Variants in MTUS1 observed in about 807,000 individuals in gnomAD.
The protein encoded by MTUS1 is microtubule-associated tumor suppressor 1.
In MTUS1, 109 loss-of-function variants were observed where a neutral mutation model predicts 120.8. The ratio of observed to expected loss-of-function variants is 0.90; its 90% CI spans 0.77 to 1.06. The LOEUF is 1.06. MTUS1 is among the 50% of genes least tolerant of loss of function. The pLI, the probability that MTUS1 is intolerant of heterozygous loss-of-function variation, is 0.00. For synonymous variants in MTUS1, 737 were observed against 550.5 expected (o/e 1.34, Z -4.74); for missense variants, 2,210 against 1,486.3 (o/e 1.49, Z -8.01).
At chr8:17,664,492 A>G (rs1381291159) in intron 8 of MTUS1, among the ~76,000 whole-genome samples, 2 of 143,146 alleles carry the variant, frequency 1.4e-5, no homozygotes, top group African/African-American at 2.6e-5. Flanking sequence ...ACCATCTAGG[A>G]TGGAGAAGAG....
chr8:17,764,718 G>C (rs561199964), intron 1 of MTUS1, among the ~76,000 whole-genome samples: 10 of 152,306 alleles, frequency 6.6e-5, no homozygotes, highest in African/African-American at 2.2e-4. Context: ...ATGAACAAGC[G>C]CAACTGCATC....
At chr8:17,663,630 C>T (rs956189883) in intron 8 of MTUS1, among the ~76,000 whole-genome samples, 1 of 150,258 alleles carries the variant, frequency 6.7e-6, no homozygotes, top group Non-Finnish European at 1.5e-5. Flanking sequence ...GAGGCTTCCT[C>T]TATCACCCAG....
At chr8:17,665,190 G>C (rs1442825546) in intron 8 of MTUS1, among the ~76,000 whole-genome samples, 1 of 152,160 alleles carries the variant, frequency 6.6e-6, no homozygotes, top group Non-Finnish European at 1.5e-5. Context: ...GGTAGACCAG[G>C]TTCTTTTTCT....
intron 1 of MTUS1, among the ~76,000 whole-genome samples, chr8:17,791,946 A>AC (rs1156937369): frequency 6.6e-6 from 1 of 152,228 alleles, no homozygotes; most frequent in African/African-American, 2.4e-5. Context: ...ACAAGGTACT[A>AC]CCCCCACCTT....
chr8:17,743,924 G>T, intron 2 of MTUS1, 125 bp from the exon 3 acceptor site: 1 of 741,450 alleles, frequency 1.3e-6, no homozygotes, highest in Non-Finnish European at 2.2e-6. Context: ...TTCAGGCCAT[G>T]ATGGCAAAGA....
intron 13 of MTUS1, among the ~76,000 whole-genome samples, chr8:17,649,405 T>C (rs1488131201): frequency 1.3e-5 from 2 of 152,236 alleles, no homozygotes; most frequent in African/African-American, 4.8e-5. Context: ...AGATGAAGAA[T>C]TTTGATAAAT....
chr8:17,752,091 G>C (rs1199612537), intron 2 of MTUS1, among the ~76,000 whole-genome samples: 1 of 151,900 alleles, frequency 6.6e-6, no homozygotes, highest in East Asian at 1.9e-4. Flanking sequence ...TACCACATCG[G>C]GAGCCTGAAA....
At chr8:17,753,657 A>G (rs985919508) in intron 2 of MTUS1, 60 bp downstream of exon 2, 3 of 1,145,284 alleles carry the variant, frequency 2.6e-6, no homozygotes, top group African/African-American at 1.6e-5. Context: ...AAATGCTAAC[A>G]CATCTCAGTT....
At chr8:17,699,808 C>G (rs960700476) in intron 6 of MTUS1, among the ~76,000 whole-genome samples, 11 of 152,314 alleles carry the variant, frequency 7.2e-5, no homozygotes, top group African/African-American at 2.6e-4. Context: ...ATGGCCATCG[C>G]TTACAATCTA....
intron 1 of MTUS1, among the ~76,000 whole-genome samples, chr8:17,756,174 T>A (rs1412082506): frequency 2.0e-5 from 3 of 152,164 alleles, no homozygotes; most frequent in African/African-American, 7.2e-5. Flanking sequence ...TGGGGCAAAA[T>A]GGAAGATGGG....
chr8:17,666,615 A>C (rs1382107622), intron 8 of MTUS1, among the ~76,000 whole-genome samples: 1 of 152,136 alleles, frequency 6.6e-6, no homozygotes, highest in Non-Finnish European at 1.5e-5. Flanking sequence ...ATTTCCATTA[A>C]GGGAAAGGTT....
intron 6 of MTUS1, among the ~76,000 whole-genome samples, chr8:17,685,975 T>C (rs555617319): frequency 2.9e-4 from 44 of 152,368 alleles, no homozygotes; most frequent in Non-Finnish European, 4.4e-4. Flanking sequence ...ATTAGTTACA[T>C]ACTAATGAAA....
At chr8:17,693,278 C>T (rs4921805) in intron 6 of MTUS1, 8 of 152,080 alleles carry the variant, frequency 5.3e-5, no homozygotes, top group African/African-American at 1.9e-4. Context: ...GACGTCATCA[C>T]TGGACTTCTT....
chr8:17,737,859 G>A (rs142384947), intron 3 of MTUS1, among the ~76,000 whole-genome samples: 1 of 152,148 alleles, frequency 6.6e-6, no homozygotes, highest in Non-Finnish European at 1.5e-5. Flanking sequence ...TCAAGTATGT[G>A]AAAAATCTCT....
chr8:17,693,565 G>T (rs1413392409), intron 6 of MTUS1, among the ~76,000 whole-genome samples: 1 of 152,132 alleles, frequency 6.6e-6, no homozygotes, highest in East Asian at 1.9e-4. Context: ...TTGTTTCCTT[G>T]AAGGAGCCCT....
chr8:17,654,499 T>G, intron 10 of MTUS1, 62 bp downstream of exon 10: 1 of 1,154,202 alleles, frequency 8.7e-7, no homozygotes, highest in Non-Finnish European at 1.3e-6. Flanking sequence ...ATTTCCATCT[T>G]AAAACATCAT....
At chr8:17,782,801 G>C (rs1217928428) in intron 1 of MTUS1, among the ~76,000 whole-genome samples, 1 of 152,126 alleles carries the variant, frequency 6.6e-6, no homozygotes, top group Non-Finnish European at 1.5e-5. Context: ...AACCTGGCCG[G>C]GCATGGTAGC....
intron 13 of MTUS1, among the ~76,000 whole-genome samples, chr8:17,648,838 G>C (rs568715752): frequency 2.0e-5 from 3 of 152,340 alleles, no homozygotes; most frequent in African/African-American, 7.2e-5. Flanking sequence ...CCAGTAGCAT[G>C]CGGCAGCTGG....
At chr8:17,706,042 A>C (rs935741704) in intron 6 of MTUS1, 2 of 152,174 alleles carry the variant, frequency 1.3e-5, no homozygotes, top group Non-Finnish European at 2.9e-5. Flanking sequence ...AAATTACAAC[A>C]GTTAGACCCC....
Sources: allele counts gnomAD v4.1 joint callset (sites outside exome capture counted in the v4.1 genomes callset), GRCh38; gene constraint gnomAD v4.1.1; transcripts MANE v1.5; gene names NCBI Gene and HGNC (gene_info 2026-07-23, HGNC 2026-07-21).